TRPC6: variants seen among roughly 807,000 people sequenced by gnomAD.
TRPC6 encodes transient receptor potential cation channel subfamily C member 6.
A neutral mutation model predicts 90.7 loss-of-function variants in TRPC6; 55 were observed. The ratio of observed to expected loss-of-function variants is 0.61; its 90% CI spans 0.49 to 0.76. The LOEUF is 0.76. Among genes scored for constraint, TRPC6 ranks in the 30% least tolerant of loss-of-function variants. The probability of loss-of-function intolerance (pLI) is 0.00; values close to 1 mark genes in which losing one functional copy is unlikely to be tolerated. For synonymous variants in TRPC6, 393 were observed against 393.0 expected (o/e 1.00, Z 0.00); for missense variants, 989 against 1,122.7 (o/e 0.88, Z 1.70).
In TRPC6 at chr11:101,499,440, CCTA is replaced by C. The variant is rs529822128; in HGVS notation, c.945+4581_945+4583del. On this transcript the variant is annotated intron_variant, in intron 2 of 12. Coordinates refer to ENST00000344327, the MANE Select transcript of TRPC6 (RefSeq NM_004621.6). ...CAAATCATATCTAGAAATATTTATTCCTACTACTATTTATCCTTTTTTAATTTT... is the reference window on the plus strand; with the variant it reads ...CAAATCATATCTAGAAATATTTATTCCTACTATTTATCCTTTTTTAATTTT... Among the ~76,000 whole-genome samples, 696 of 151,166 alleles carry C rather than the reference CCTA, an allele frequency of 4.6e-3. 6 individuals are homozygous for C. Among genetic ancestry groups the C allele is most frequent in the African/African-American group, 0.015 (627 of 41,182 alleles).
intron 1 of TRPC6, among the ~76,000 whole-genome samples, chr11:101,564,232 G>T (rs879638644): frequency 1.8e-4 from 28 of 151,954 alleles, no homozygotes; most frequent in African/African-American, 6.3e-4. Context: ...CTTAAGTTTT[G>T]TTGTTTATGT....
At chr11:101,559,774 T>C (rs1329094605) in intron 1 of TRPC6, among the ~76,000 whole-genome samples, 3 of 129,092 alleles carry the variant, frequency 2.3e-5, no homozygotes, top group Non-Finnish European at 3.3e-5. Context: ...CCTAATGCTA[T>C]CCCTCCCCCC....
chr11:101,546,353 T>TAATG (rs1861307536), intron 1 of TRPC6, among the ~76,000 whole-genome samples: 1 of 65,566 alleles, frequency 1.5e-5, no homozygotes, highest in Non-Finnish European at 3.2e-5. Context: ...ATTACAGGCG[T>TAATG]GAGCCACCGC....
intron 2 of TRPC6, among the ~76,000 whole-genome samples, chr11:101,502,041 A>G (rs191552796): frequency 3.9e-5 from 6 of 152,282 alleles, no homozygotes; most frequent in African/African-American, 1.4e-4. Context: ...TAACTGCTCA[A>G]GACAATGGAG....
At chr11:101,461,079 C>T (rs1858994154) in intron 10 of TRPC6, among the ~76,000 whole-genome samples, 1 of 152,096 alleles carries the variant, frequency 6.6e-6, no homozygotes, top group Admixed American at 6.6e-5. Flanking sequence ...GCTTGGTACA[C>T]ATGTTAAAAA....
intron 2 of TRPC6, among the ~76,000 whole-genome samples, chr11:101,503,540 C>A (rs1402444815): frequency 6.6e-6 from 1 of 152,118 alleles, no homozygotes; most frequent in Non-Finnish European, 1.5e-5. Context: ...GTGCATTTGT[C>A]TCTCTAGTCA....
intron 1 of TRPC6, among the ~76,000 whole-genome samples, chr11:101,558,024 A>T (rs1861597269): frequency 6.6e-6 from 1 of 152,064 alleles, no homozygotes; most frequent in Admixed American, 6.6e-5. Flanking sequence ...AAAAAGAGAA[A>T]AACAGTCCTA....
chr11:101,538,970 T>C (rs750757697), intron 1 of TRPC6, among the ~76,000 whole-genome samples: 5 of 152,194 alleles, frequency 3.3e-5, no homozygotes, highest in East Asian at 1.9e-4. Context: ...AGCTGATACC[T>C]TGGTTTGTGC....
chr11:101,513,338 G>A (rs1860440094), intron 1 of TRPC6, among the ~76,000 whole-genome samples: 1 of 152,158 alleles, frequency 6.6e-6, no homozygotes, highest in African/African-American at 2.4e-5. Flanking sequence ...AACATGAAGA[G>A]TAGGCCAGGA....
chr11:101,549,924 T>C (rs1007787065), intron 1 of TRPC6, among the ~76,000 whole-genome samples: 1 of 151,526 alleles, frequency 6.6e-6, no homozygotes, highest in Non-Finnish European at 1.5e-5. Flanking sequence ...TACTGTTTTT[T>C]CCATACTGAG....
chr11:101,568,510 G>A (rs575472179), intron 1 of TRPC6, among the ~76,000 whole-genome samples: 1 of 152,198 alleles, frequency 6.6e-6, no homozygotes, highest in East Asian at 1.9e-4. Context: ...GAAATACAGA[G>A]AATACCACAA....
At chr11:101,525,482 C>CA (rs1395648688) in intron 1 of TRPC6, among the ~76,000 whole-genome samples, 1 of 152,202 alleles carries the variant, frequency 6.6e-6, no homozygotes, top group Non-Finnish European at 1.5e-5. Context: ...ACTAGGACAA[C>CA]ACTCATAGTT....
chr11:101,562,966 T>G (rs1861746798), intron 1 of TRPC6, among the ~76,000 whole-genome samples: 1 of 152,190 alleles, frequency 6.6e-6, no homozygotes, highest in Non-Finnish European at 1.5e-5. Flanking sequence ...TGGCAGATAG[T>G]ATGTTCTTCA....
chr11:101,452,841 A>G lies in TRPC6; in HGVS notation c.*114T>C. On this transcript the variant is annotated 3_prime_UTR_variant, in exon 13 of 13. Transcript: ENST00000344327. ...TCCAGATGATAGGATGGCCCAAGTT[A>G]TTTAACGTTTTCTTGTTTAAAAGGT... 1 of 1,283,866 alleles carries G rather than the reference A, an allele frequency of 7.8e-7. No homozygotes were observed. Among genetic ancestry groups the G allele is most frequent in the South Asian group, 1.3e-5 (1 of 79,490 alleles). 79.5% of individuals were successfully genotyped at this position (1,283,866 alleles called of 1,614,324 possible).
intron 1 of TRPC6, among the ~76,000 whole-genome samples, chr11:101,579,196 A>G (rs1312700173): frequency 6.6e-6 from 1 of 152,046 alleles, no homozygotes; most frequent in East Asian, 1.9e-4. Flanking sequence ...TTATGTTCTA[A>G]TCTGCATTTA....
intron 1 of TRPC6, among the ~76,000 whole-genome samples, chr11:101,523,934 CT>C (rs1022562318): frequency 3.3e-5 from 5 of 152,138 alleles, no homozygotes; most frequent in African/African-American, 1.2e-4. Flanking sequence ...ATATTGTCCC[CT>C]GTTATTCCTC....
intron 1 of TRPC6, among the ~76,000 whole-genome samples, chr11:101,535,688 T>G (rs918433820): frequency 6.6e-6 from 1 of 152,200 alleles, no homozygotes; most frequent in Non-Finnish European, 1.5e-5. Flanking sequence ...CACTATTGAT[T>G]AGGCATACCA....
intron 1 of TRPC6, among the ~76,000 whole-genome samples, chr11:101,540,353 C>T (rs546481918): frequency 6.6e-6 from 1 of 152,340 alleles, no homozygotes; most frequent in South Asian, 2.1e-4. Flanking sequence ...CATTAAATTA[C>T]AGCAAATTAA....
chr11:101,496,616 T>C (rs1859956221), intron 2 of TRPC6, among the ~76,000 whole-genome samples: 1 of 152,218 alleles, frequency 6.6e-6, no homozygotes, highest in Non-Finnish European at 1.5e-5. Flanking sequence ...AATATAGTGT[T>C]TGGTTATATA....
Sources: gnomAD v4.1 joint callset for allele counts (sites outside exome capture counted in the v4.1 genomes callset) on GRCh38, gnomAD v4.1.1 for gene constraint, MANE v1.5 for transcripts, NCBI Gene and HGNC (gene_info 2026-07-23, HGNC 2026-07-21) for gene names.